The following CHN2 variants were observed in gnomAD, a reference collection of about 807,000 sequenced individuals.
The protein encoded by CHN2 is chimerin 2, also known as beta-chimaerin.
In CHN2, 35 loss-of-function variants were observed where a neutral mutation model predicts 56.3. The ratio of observed to expected loss-of-function variants is 0.62; its 90% CI spans 0.47 to 0.82. The LOEUF (loss-of-function observed/expected upper bound fraction) is 0.82. Ranked by LOEUF, CHN2 falls within the 40% of genes least tolerant of loss-of-function variation. The pLI is 0.00. For synonymous variants in CHN2, 210 were observed against 212.8 expected (o/e 0.99, Z 0.12); for missense variants, 491 against 580.5 (o/e 0.85, Z 1.58).
chr7:29,296,773 T>C (rs1173737787), intron 1 of CHN2, among the ~76,000 whole-genome samples: 1 of 152,234 alleles, frequency 6.6e-6, no homozygotes, highest in Admixed American at 6.5e-5. Flanking sequence ...TATTTAGCAG[T>C]CCTCAAGGGC....
chr7:29,258,874 A>G (rs1266941654), intron 1 of CHN2, among the ~76,000 whole-genome samples: 1 of 152,202 alleles, frequency 6.6e-6, no homozygotes, highest in Non-Finnish European at 1.5e-5. Flanking sequence ...CCATCTTTCT[A>G]TCTTTACAAG....
intron 6 of CHN2, among the ~76,000 whole-genome samples, chr7:29,420,816 C>CA (rs1554290620): frequency 6.8e-6 from 1 of 146,416 alleles, no homozygotes; most frequent in Non-Finnish European, 1.5e-5. Flanking sequence ...TCTTTTCTTT[C>CA]TTTTTTTTTT....
At chr7:29,508,803 C>T (rs763440760) in intron 11 of CHN2, among the ~76,000 whole-genome samples, 3 of 152,194 alleles carry the variant, frequency 2.0e-5, no homozygotes, top group Non-Finnish European at 4.4e-5. Flanking sequence ...GTGAGAAGTG[C>T]CATGAGTGCA....
rs867599673 is a variant in CHN2, at chr7:29,423,208, C to T, written c.576+22380C>T. On this transcript the variant is annotated intron_variant, in intron 6 of 12. Transcript: ENST00000222792. ...GGACGTTTATTTCATGCTTATGTCC[C>T]AGCCCAGTGATGGCCAGACTTGTCT... Among the ~76,000 whole-genome samples the T allele has an allele frequency of 2.0e-5, 3 of 152,170 alleles. No individual in the cohort carries two copies. The South Asian group carries it at 6.2e-4, about 32-fold the overall frequency.
intron 2 of CHN2, among the ~76,000 whole-genome samples, chr7:29,173,130 CAAAA>C (rs56379349): frequency 7.5e-5 from 6 of 80,160 alleles, no homozygotes; most frequent in Non-Finnish European, 1.3e-4. Context: ...GACTCTGTAT[CAAAA>C]AAAAAAAAAA....
chr7:29,166,477 G>A (rs1296389041), intron 2 of CHN2, among the ~76,000 whole-genome samples: 5 of 143,496 alleles, frequency 3.5e-5, no homozygotes, highest in African/African-American at 1.5e-4. Context: ...TTGTTCGTTT[G>A]TTTGTTTTAT....
Position 29,496,056 on chromosome 7 carries a change from C to G in CHN2, c.739+20C>G, listed in dbSNP as rs757652185. The G allele has an allele frequency of 1.3e-6, 2 of 1,590,610 alleles. No homozygotes were observed. Among genetic ancestry groups the G allele is most frequent in the Non-Finnish European group, 1.7e-6 (2 of 1,166,050 alleles). On this transcript the variant is annotated intron_variant, in intron 8 of 12. Transcript: ENST00000222792. ...GCTCAGGTAGACACAGAACTTTCTT[C>G]TTTTCCAATTATATGAAATGCCACT...
chr7:29,376,742 C>A (rs1800108977), intron 3 of CHN2, among the ~76,000 whole-genome samples: 1 of 152,126 alleles, frequency 6.6e-6, no homozygotes, highest in Non-Finnish European at 1.5e-5. Context: ...GTGTAGGCAC[C>A]CATAGCCTTC....
chr7:29,376,003 G>A (rs1654867064), intron 3 of CHN2, among the ~76,000 whole-genome samples: 1 of 152,210 alleles, frequency 6.6e-6, no homozygotes, highest in Admixed American at 6.5e-5. Flanking sequence ...TGCTGATAAA[G>A]GCAGGTTATA....
At chr7:29,431,958 G>A (rs1406958263) in intron 6 of CHN2, among the ~76,000 whole-genome samples, 1 of 152,226 alleles carries the variant, frequency 6.6e-6, no homozygotes, top group Non-Finnish European at 1.5e-5. Context: ...CACCCTGCGG[G>A]CTGACAGCCT....
intron 1 of CHN2, among the ~76,000 whole-genome samples, chr7:29,251,558 C>T (rs1426774133): frequency 1.3e-5 from 2 of 152,074 alleles, no homozygotes; most frequent in Admixed American, 6.5e-5. Context: ...TATCAAGCAC[C>T]GAACATGGTG....
chr7:29,236,226 T>C (rs1186655168), intron 1 of CHN2, among the ~76,000 whole-genome samples: 1 of 152,176 alleles, frequency 6.6e-6, no homozygotes, highest in African/African-American at 2.4e-5. Context: ...TGTGAGAAGA[T>C]AAAAGGCATG....
intron 3 of CHN2, among the ~76,000 whole-genome samples, chr7:29,386,313 G>T (rs1800912128): frequency 6.6e-6 from 1 of 152,114 alleles, no homozygotes; most frequent in African/African-American, 2.4e-5. Flanking sequence ...AATTGCCCCA[G>T]TATCACCAGC....
At chr7:29,301,624 G>C (rs74612134) in intron 1 of CHN2, among the ~76,000 whole-genome samples, 1,739 of 152,142 alleles carry the variant, frequency 0.011, 35 homozygotes, top group African/African-American at 0.039. Context: ...TGCTTGGCTG[G>C]GCGACCTTAG....
intron 2 of CHN2, among the ~76,000 whole-genome samples, chr7:29,164,346 T>G (rs947920316): frequency 3.3e-5 from 5 of 152,232 alleles, no homozygotes; most frequent in African/African-American, 1.2e-4. Context: ...AGGTTGTTTC[T>G]CTTCTTATTA....
chr7:29,425,212 A>G (rs1804742630), intron 6 of CHN2, among the ~76,000 whole-genome samples: 1 of 152,248 alleles, frequency 6.6e-6, no homozygotes, highest in Non-Finnish European at 1.5e-5. Flanking sequence ...TCAGACCAGT[A>G]AAGTATGAAA....
In CHN2 at chr7:29,486,696, T is replaced by TC. The variant is rs541129269; in HGVS notation, c.654+6343dup. 5.7e-3 allele frequency among the ~76,000 whole-genome samples: 873 copies of TC among 152,148 alleles called. 6 individuals carry two copies. The highest frequency in any genetic ancestry group is 0.01 in the Non-Finnish European group (683 of 67,978). The stretch of plus-strand genomic sequence containing the variant: ...TGAGGATGCACCAGGAGCACCCCGT[T>TC]CCCATGGCACACCCCATCGCGTGTG... On this transcript the variant is annotated intron_variant, in intron 7 of 12. Coordinates refer to ENST00000222792, the MANE Select transcript of CHN2 (RefSeq NM_004067.4).
At position 29,347,841 on chromosome 7, in the gene CHN2, G is replaced by A. The variant is rs113885437; in HGVS notation, c.50-6784G>A. 2.0e-5 allele frequency among the ~76,000 whole-genome samples: 3 copies of A among 152,320 alleles called. No homozygotes were observed. The East Asian group carries it at 5.8e-4, about 29-fold the overall frequency. The stretch of plus-strand genomic sequence containing the variant: ...TAAAAAGAAAATAACATAGATCTAT[G>A]TGCGCTGACATGGATAGATGCTAAA... On this transcript the variant is annotated intron_variant, in intron 1 of 12. Coordinates refer to ENST00000222792, the MANE Select transcript of CHN2 (RefSeq NM_004067.4).
At chr7:29,228,105 A>G (rs1164341584) in intron 1 of CHN2, among the ~76,000 whole-genome samples, 1 of 151,594 alleles carries the variant, frequency 6.6e-6, no homozygotes, top group Non-Finnish European at 1.5e-5. Context: ...GCTTCTAATT[A>G]ACATAGAAGC....
Sources: gnomAD v4.1 joint callset for allele counts (sites outside exome capture counted in the v4.1 genomes callset) on GRCh38, gnomAD v4.1.1 for gene constraint, MANE v1.5 for transcripts, NCBI Gene and HGNC (gene_info 2026-07-23, HGNC 2026-07-21) for gene names.